HDAC9: variants seen among roughly 807,000 people sequenced by gnomAD.
HDAC9 encodes the protein histone deacetylase 9, also known as MEF-2 interacting transcription repressor (MITR) protein.
A neutral mutation model predicts 139.4 loss-of-function variants in HDAC9; 41 were observed. The observed-to-expected ratio is 0.29, with a 90% CI of 0.23 to 0.38. HDAC9 has a LOEUF of 0.38. Ranked by LOEUF, HDAC9 falls within the 10% of genes least tolerant of loss-of-function variation. The pLI, the probability that HDAC9 is intolerant of heterozygous loss-of-function variation, is 1.00. For synonymous variants in HDAC9, 517 were observed against 476.2 expected (o/e 1.09, Z -1.12); for missense variants, 1,147 against 1,297.0 (o/e 0.88, Z 1.78).
At chr7:18,722,196 A>C (rs753590679) in intron 12 of HDAC9, among the ~76,000 whole-genome samples, 5 of 152,174 alleles carry the variant, frequency 3.3e-5, no homozygotes, top group Non-Finnish European at 5.9e-5. Context: ...AACCCATCAA[A>C]ACAAAGTCCC....
At chr7:18,205,123 A>G (rs973761509) in intron 2 of HDAC9, among the ~76,000 whole-genome samples, 1 of 151,844 alleles carries the variant, frequency 6.6e-6, no homozygotes, top group African/African-American at 2.4e-5. Flanking sequence ...TTTTTCCTCA[A>G]ATTACTAGCC....
At chr7:18,968,994 T>C (rs1392166359) in intron 24 of HDAC9, among the ~76,000 whole-genome samples, 1 of 128,138 alleles carries the variant, frequency 7.8e-6, no homozygotes, top group Non-Finnish European at 1.7e-5. Flanking sequence ...AATCACTTTA[T>C]CCTCTAAATA....
At chr7:18,364,216 G>A (rs552976041) in intron 1 of HDAC9, among the ~76,000 whole-genome samples, 4 of 152,096 alleles carry the variant, frequency 2.6e-5, no homozygotes, top group Admixed American at 2.6e-4. Context: ...GAGTTAAACT[G>A]CCTGGGGCTG....
At chr7:18,564,987 AT>A (rs1821830541) in intron 2 of HDAC9, among the ~76,000 whole-genome samples, 1 of 149,808 alleles carries the variant, frequency 6.7e-6, no homozygotes, top group African/African-American at 2.4e-5. Flanking sequence ...TTATTTATTT[AT>A]TTATTTATTT....
At chr7:18,721,733 C>G (rs1444512587) in intron 12 of HDAC9, among the ~76,000 whole-genome samples, 2 of 151,102 alleles carry the variant, frequency 1.3e-5, no homozygotes, top group Non-Finnish European at 3.0e-5. Context: ...GAAAGCAAAG[C>G]AAAACAAAAC....
At chr7:18,172,698 T>A (rs1333316276) in intron 2 of HDAC9, among the ~76,000 whole-genome samples, 1 of 152,244 alleles carries the variant, frequency 6.6e-6, no homozygotes, top group African/African-American at 2.4e-5. Flanking sequence ...CTGCCTTCAT[T>A]TTGTTATTTA....
chr7:18,741,048 G>A (rs1787400903), intron 13 of HDAC9, among the ~76,000 whole-genome samples: 1 of 152,178 alleles, frequency 6.6e-6, no homozygotes, highest in Admixed American at 6.5e-5. Context: ...GAGGTTTAAG[G>A]AAAGAAGCCG....
intron 1 of HDAC9, among the ~76,000 whole-genome samples, chr7:18,432,409 C>G (rs1157349171): frequency 6.6e-6 from 1 of 152,172 alleles, no homozygotes; most frequent in Non-Finnish European, 1.5e-5. Flanking sequence ...GTATGAGGGT[C>G]TTGCACATGG....
At chr7:18,445,891 A>C (rs1792249154) in intron 1 of HDAC9, among the ~76,000 whole-genome samples, 1 of 152,234 alleles carries the variant, frequency 6.6e-6, no homozygotes, top group Admixed American at 6.5e-5. Context: ...ACTTCTATTT[A>C]ACCTTTTGAA....
intron 25 of HDAC9, among the ~76,000 whole-genome samples, chr7:18,992,447 C>A (rs1170032076): frequency 6.6e-6 from 1 of 151,946 alleles, no homozygotes; most frequent in Non-Finnish European, 1.5e-5. Context: ...ACCCACAAAA[C>A]AATAATACAC....
At chr7:18,679,597 G>A (rs910334998) in intron 12 of HDAC9, among the ~76,000 whole-genome samples, 16 of 115,500 alleles carry the variant, frequency 1.4e-4, no homozygotes, top group Admixed American at 7.1e-4. Flanking sequence ...CTCTCTCTCC[G>A]TCTCTTTCTT....
intron 2 of HDAC9, among the ~76,000 whole-genome samples, chr7:18,530,786 A>G (rs1808652210): frequency 6.7e-6 from 1 of 149,192 alleles, no homozygotes; most frequent in African/African-American, 2.4e-5. Context: ...TATATAAAAT[A>G]TATATTTATA....
intron 22 of HDAC9, among the ~76,000 whole-genome samples, chr7:18,878,486 A>C (rs764038234): frequency 6.6e-6 from 1 of 152,152 alleles, no homozygotes; most frequent in Non-Finnish European, 1.5e-5. Context: ...TCTCTCAGCA[A>C]ATATACAAGG....
At chr7:18,522,034 C>G (rs1473083936) in intron 2 of HDAC9, among the ~76,000 whole-genome samples, 2 of 152,080 alleles carry the variant, frequency 1.3e-5, no homozygotes, top group Non-Finnish European at 2.9e-5. Flanking sequence ...GTAGAAGTGA[C>G]TAACAACTAC....
At chr7:18,685,118 A>G (rs889775965) in intron 12 of HDAC9, among the ~76,000 whole-genome samples, 1 of 152,036 alleles carries the variant, frequency 6.6e-6, no homozygotes, top group Admixed American at 6.6e-5. Flanking sequence ...GCTTACCACA[A>G]CCTCTAGAAA....
intron 1 of HDAC9, among the ~76,000 whole-genome samples, chr7:18,374,606 G>A (rs1440148891): frequency 6.6e-6 from 1 of 151,842 alleles, no homozygotes; most frequent in African/African-American, 2.4e-5. Flanking sequence ...ACATCACTAG[G>A]TTATAGGAAT....
chr7:18,573,330 G>A (rs1401223700), intron 2 of HDAC9, among the ~76,000 whole-genome samples: 1 of 152,032 alleles, frequency 6.6e-6, no homozygotes, highest in Non-Finnish European at 1.5e-5. Flanking sequence ...TAATGTTATC[G>A]TAACTAGTGG....
intron 1 of HDAC9, among the ~76,000 whole-genome samples, chr7:18,392,539 T>C (rs1027780832): frequency 2.6e-5 from 4 of 152,110 alleles, no homozygotes; most frequent in Non-Finnish European, 1.5e-5. Context: ...ATAATTATTA[T>C]AATTATTAGC....
intron 12 of HDAC9, among the ~76,000 whole-genome samples, chr7:18,721,967 A>G (rs1316740191): frequency 1.3e-5 from 2 of 152,210 alleles, no homozygotes; most frequent in South Asian, 2.1e-4. Context: ...ACTTAGAATG[A>G]TGGGGCCACA....
Sources: gnomAD v4.1 joint callset for allele counts (sites outside exome capture counted in the v4.1 genomes callset) on GRCh38, gnomAD v4.1.1 for gene constraint, MANE v1.5 for transcripts, NCBI Gene and HGNC (gene_info 2026-07-23, HGNC 2026-07-21) for gene names.